AK8: variants seen among roughly 807,000 people sequenced by gnomAD.
The protein encoded by AK8 is ATP-AMP transphosphorylase 8.
In AK8, 44 loss-of-function variants were observed where a neutral mutation model predicts 54.6. That is an observed-to-expected ratio of 0.81 (90% CI 0.63 to 1.04). AK8 has a LOEUF of 1.04. Ranked by LOEUF, AK8 falls within the 50% of genes least tolerant of loss-of-function variation. The pLI is 0.00. For missense variants in AK8, 555 were observed against 613.6 expected, an observed-to-expected ratio of 0.90 and a Z score of 1.01; for synonymous variants, 239 against 245.6, an observed-to-expected ratio of 0.97 and a Z score of 0.25.
chr9:132,844,907 G>A (rs1449816567), intron 5 of AK8, among the ~76,000 whole-genome samples: 1 of 152,182 alleles, frequency 6.6e-6, no homozygotes, highest in Non-Finnish European at 1.5e-5. Context: ...AAGAACAGTG[G>A]CCAATAGTAC....
chr9:132,737,883 C>T (rs1045625497), intron 11 of AK8, among the ~76,000 whole-genome samples: 1 of 152,150 alleles, frequency 6.6e-6, no homozygotes, highest in African/African-American at 2.4e-5. Context: ...ACAATAAGAC[C>T]AGAAAAGGAT....
At chr9:132,773,315 T>A (rs1403113435) in intron 11 of AK8, among the ~76,000 whole-genome samples, 1 of 152,192 alleles carries the variant, frequency 6.6e-6, no homozygotes, top group Non-Finnish European at 1.5e-5. Context: ...CCTTCCCTGA[T>A]GGCCCTCTAT....
rs538479190 is a variant in AK8, at chr9:132,858,547, G to C, written c.334-3622C>G. On this transcript the variant is annotated intron_variant, in intron 4 of 12. Transcript: ENST00000298545. ...ATCTTGGGAAGTAGAGCAGGGAGGG[G>C]AACAGGTGAGATGCCCTGATCTGAC... is the stretch of plus-strand genomic sequence containing the variant. Among the ~76,000 whole-genome samples, 22 of 152,320 alleles carry C rather than the reference G, an allele frequency of 1.4e-4. No homozygotes were observed. The East Asian group carries it at 4.1e-3, about 28-fold the overall frequency.
chr9:132,743,236 C>T (rs887448836), intron 11 of AK8, among the ~76,000 whole-genome samples: 13 of 152,370 alleles, frequency 8.5e-5, no homozygotes, highest in African/African-American at 2.6e-4. Context: ...CCTCTGCTCG[C>T]GACCTGACCT....
intron 5 of AK8, among the ~76,000 whole-genome samples, chr9:132,844,745 C>G (rs778002802): frequency 9.2e-5 from 14 of 152,152 alleles, no homozygotes; most frequent in Non-Finnish European, 1.3e-4. Flanking sequence ...AACTATAAGA[C>G]TAGAAGGGAT....
chr9:132,811,203 C>T (rs998752421), intron 10 of AK8, among the ~76,000 whole-genome samples: 1 of 152,236 alleles, frequency 6.6e-6, no homozygotes, highest in Non-Finnish European at 1.5e-5. Context: ...TGTCCACATC[C>T]TAATCGCTGG....
chr9:132,728,581 A>C (rs1836683984), intron 11 of AK8, among the ~76,000 whole-genome samples: 1 of 152,188 alleles, frequency 6.6e-6, no homozygotes, highest in South Asian at 2.1e-4. Flanking sequence ...CCAGCGTGGC[A>C]GCTGTTATAA....
intron 8 of AK8, among the ~76,000 whole-genome samples, chr9:132,824,100 G>T (rs558989263): frequency 6.6e-6 from 1 of 152,296 alleles, no homozygotes; most frequent in African/African-American, 2.4e-5. Flanking sequence ...ATGCCAAGAA[G>T]CCACAGGGCA....
intron 5 of AK8, among the ~76,000 whole-genome samples, chr9:132,840,692 A>G (rs1370035140): frequency 6.6e-6 from 1 of 152,210 alleles, no homozygotes; most frequent in South Asian, 2.1e-4. Flanking sequence ...CAGGAGATCG[A>G]GACCAGCCTG....
intron 5 of AK8, among the ~76,000 whole-genome samples, chr9:132,840,181 A>T (rs1298006406): frequency 6.6e-6 from 1 of 152,154 alleles, no homozygotes; most frequent in Non-Finnish European, 1.5e-5. Context: ...TTAAAGTTCA[A>T]CATGAGTTTT....
chr9:132,814,053 G>C (rs957388431), intron 10 of AK8, among the ~76,000 whole-genome samples: 6 of 151,964 alleles, frequency 3.9e-5, no homozygotes, highest in Non-Finnish European at 8.8e-5. Flanking sequence ...TGAAACAGGA[G>C]GATCACTTGA....
chr9:132,782,493 C>T (rs1157630427), intron 11 of AK8, among the ~76,000 whole-genome samples: 4 of 152,130 alleles, frequency 2.6e-5, no homozygotes, highest in Non-Finnish European at 5.9e-5. Flanking sequence ...AGTTTGACAC[C>T]AGCCTGACCA....
intron 9 of AK8, among the ~76,000 whole-genome samples, chr9:132,816,589 C>T (rs1564417964): frequency 1.3e-5 from 2 of 152,184 alleles, no homozygotes; most frequent in Non-Finnish European, 2.9e-5. Context: ...ACATCAAACC[C>T]ATGCTTAGCT....
intron 2 of AK8, among the ~76,000 whole-genome samples, chr9:132,869,415 A>G (rs1217684988): frequency 1.3e-5 from 2 of 152,216 alleles, no homozygotes; most frequent in African/African-American, 4.8e-5. Flanking sequence ...GCCGCCATCA[A>G]CCATGCTGCC....
At chr9:132,848,126 A>G (rs1401923354) in intron 5 of AK8, among the ~76,000 whole-genome samples, 1 of 120,972 alleles carries the variant, frequency 8.3e-6, no homozygotes, top group East Asian at 3.1e-4. Context: ...AAAAAAAAAA[A>G]AAAAAAAAAA....
intron 11 of AK8, among the ~76,000 whole-genome samples, chr9:132,745,376 A>G (rs1395679213): frequency 1.3e-5 from 2 of 152,150 alleles, no homozygotes; most frequent in African/African-American, 4.8e-5. Context: ...GGGCTGTCAC[A>G]GATAGCCATG....
intron 12 of AK8, 125 bp from the exon 13 acceptor site, chr9:132,726,050 T>G (rs1401969145): frequency 1.4e-6 from 1 of 740,346 alleles, no homozygotes; most frequent in African/African-American, 1.7e-5. Flanking sequence ...ACCAGCCATT[T>G]ACTACTGTGT....
chr9:132,844,310 A>AAG (rs1417220453), intron 5 of AK8, among the ~76,000 whole-genome samples: 1 of 151,408 alleles, frequency 6.6e-6, no homozygotes, highest in Admixed American at 6.6e-5. Context: ...AAAAAAAAAA[A>AAG]AAAAAAGAAA....
intron 5 of AK8, among the ~76,000 whole-genome samples, chr9:132,843,298 C>A (rs996132533): frequency 1.3e-5 from 2 of 152,134 alleles, no homozygotes; most frequent in Admixed American, 1.3e-4. Flanking sequence ...CTCCCACTGT[C>A]TCTCTCTTGC....
Sources: gnomAD v4.1 joint callset for allele counts (sites outside exome capture counted in the v4.1 genomes callset) on GRCh38, gnomAD v4.1.1 for gene constraint, MANE v1.5 for transcripts, NCBI Gene and HGNC (gene_info 2026-07-23, HGNC 2026-07-21) for gene names.